H2BC1: variants seen among roughly 807,000 people sequenced by gnomAD.
The protein encoded by H2BC1 is H2B clustered histone 1, also known as histone H2B type 1-A.
H2BC1 carries 5 observed loss-of-function variants against 5.4 expected under a neutral mutation model. The observed-to-expected ratio is 0.92, with a 90% CI of 0.48 to 1.94. H2BC1 has a LOEUF of 1.94. H2BC1 is among the 30% of genes most tolerant of loss of function. The probability of loss-of-function intolerance (pLI) is 0.01; values close to 1 mark genes in which losing one functional copy is unlikely to be tolerated. For synonymous variants in H2BC1, 131 were observed against 58.2 expected, an observed-to-expected ratio of 2.25 and a Z score of -5.69; for missense variants, 210 against 159.1, an observed-to-expected ratio of 1.32 and a Z score of -1.72.
Position 25,727,145 on chromosome 6 carries a change from A to T in H2BC1, c.237A>T (p.Ala79=). ...TDIFERIASE[A]SRLAHYSKRS... ...TCTTTGAGCGTATAGCGAGCGAGGC[A>T]TCACGTTTGGCTCACTACAGCAAGC... Residue 79 remains alanine, a synonymous_variant, in exon 1 of 1, where the codon GCA becomes GCT. Coordinates refer to ENST00000274764, the MANE Select transcript of H2BC1 (RefSeq NM_170610.3). The T allele has an allele frequency of 1.2e-6, 2 of 1,614,218 alleles. No individual in the cohort carries two copies. The highest frequency in any genetic ancestry group is 1.7e-6 in the Non-Finnish European group (2 of 1,180,038).
Position 25,726,983 on chromosome 6 carries a change from AAAGG to A in H2BC1, c.80_83del (p.Glu27AlafsTer20), listed in dbSNP as rs746952106. 11 of 1,614,074 alleles carry A rather than the reference AAAGG, an allele frequency of 6.8e-6. No homozygotes were observed. The African/African-American group carries it at 1.5e-4, about 22-fold the overall frequency. ...AGAAAGCTGTCGTTAAGACCCAGAA[AAAGG>A]AAGGCAAAAAGCGCAAGAGGACCCG... On this transcript the variant is annotated frameshift_variant, in exon 1 of 1. Coordinates refer to ENST00000274764, the MANE Select transcript of H2BC1 (RefSeq NM_170610.3). LOFTEE classifies it high-confidence loss of function.
rs567052620 is a variant in H2BC1 at position 25,726,810 on chromosome 6, C to A, written c.-99C>A. ...ACTTGGCGAGACTTGGAGCTGAGGT[C>A]ATTTGGAGCTGTTTAATACTGAAGA... On this transcript the variant is annotated 5_prime_UTR_variant, in exon 1 of 1. Coordinates refer to ENST00000274764, the MANE Select transcript of H2BC1 (RefSeq NM_170610.3). 18 of 1,392,512 alleles carry A rather than the reference C, an allele frequency of 1.3e-5. No individual in the cohort carries two copies. In the South Asian group the frequency reaches 2.6e-4, roughly 20 times the overall value. The allele number at this position is 1,392,512 out of a possible 1,614,324, so 86.3% of individuals were successfully genotyped here.
In H2BC1 at chr6:25,726,952, G is replaced by A; in HGVS notation, c.44G>A (p.Gly15Asp). The A allele has an allele frequency of 1.9e-6, 3 of 1,614,068 alleles. No homozygotes were observed. Among genetic ancestry groups the A allele is most frequent in the South Asian group, 2.2e-5 (2 of 91,050 alleles). The change falls in exon 1 of 1, where the codon GGC becomes GAC. Residue 15 changes from glycine (G) to aspartate (D), a missense_variant. Transcript: ENST00000274764. ...AAAGGTGCTACCATTTCCAAGAAGG[G>A]CTTTAAGAAAGCTGTCGTTAAGACC... is the stretch of plus-strand genomic sequence containing the variant. ...SSKGATISKK[G>D]FKKAVVKTQK...
Position 25,726,889 on chromosome 6 carries a change from T to G in H2BC1, c.-20T>G. 6.2e-7 allele frequency: 1 copy of G among 1,603,042 alleles called. No individual in the cohort carries two copies. The highest frequency in any genetic ancestry group is 8.5e-7 in the Non-Finnish European group (1 of 1,175,200). ...ACCCTGGAAAAGAACCGTGTAACGC[T>G]GCAGAAGTGTGTGGTAGCTATGCCG... On this transcript the variant is annotated 5_prime_UTR_variant, in exon 1 of 1. Transcript: ENST00000274764.
rs1760266940 is a variant in H2BC1, at chr6:25,726,834, G to C, written c.-75G>C. 2.7e-6 allele frequency: 4 copies of C among 1,500,692 alleles called. No individual in the cohort carries two copies. Among genetic ancestry groups the C allele is most frequent in the Non-Finnish European group, 3.6e-6 (4 of 1,115,470 alleles). 93.0% of individuals were successfully genotyped at this position (1,500,692 alleles called of 1,614,324 possible). On this transcript the variant is annotated 5_prime_UTR_variant, in exon 1 of 1. Transcript: ENST00000274764. ...TCATTTGGAGCTGTTTAATACTGAA[G>C]AGCTGTTGAGCACTGGAAAGTGCTG...
chr6:25,726,934 C>T lies in H2BC1; in HGVS notation c.26C>T (p.Ala9Val), dbSNP rs1760273473. 2 of 1,613,474 alleles carry T rather than the reference C, an allele frequency of 1.2e-6. No homozygotes were observed. The highest frequency in any genetic ancestry group is 1.7e-6 in the Non-Finnish European group (2 of 1,179,862). The change falls in exon 1 of 1, where the codon GCT becomes GTT. Residue 9 changes from alanine to valine, a missense_variant. Physicochemically the swap from Ala to Val is moderately conservative, Grantham distance 64. Coordinates refer to ENST00000274764, the MANE Select transcript of H2BC1 (RefSeq NM_170610.3). MPEVSSKG[A>V]TISKKGFKKA... ...ATGCCGGAGGTGTCATCTAAAGGTG[C>T]TACCATTTCCAAGAAGGGCTTTAAG...
chr6:25,726,828 A>C lies in H2BC1; in HGVS notation c.-81A>C. 4.7e-6 allele frequency: 7 copies of C among 1,488,012 alleles called. No individual in the cohort carries two copies. The Middle Eastern group carries it at 9.2e-4, about 195-fold the overall frequency. 92.2% of individuals were successfully genotyped at this position (1,488,012 alleles called of 1,614,324 possible). ...CTGAGGTCATTTGGAGCTGTTTAAT[A>C]CTGAAGAGCTGTTGAGCACTGGAAA... On this transcript the variant is annotated 5_prime_UTR_variant, in exon 1 of 1. Coordinates refer to ENST00000274764, the MANE Select transcript of H2BC1 (RefSeq NM_170610.3).
rs762445534 is a variant in H2BC1, at chr6:25,727,329, CT to C, written c.*41del. On this transcript the variant is annotated 3_prime_UTR_variant, in exon 1 of 1. Transcript: ENST00000274764. ...AAACGTCATTTCTAACCCAAAGGCT[CT>C]TTTCAGAGCCACTTAAACATACTGA... 2.6e-6 allele frequency: 4 copies of C among 1,531,364 alleles called. No homozygotes were observed. The highest frequency in any genetic ancestry group is 1.4e-5 in the African/African-American group (1 of 72,236). The allele number at this position is 1,531,364 out of a possible 1,614,324, so 94.9% of individuals were successfully genotyped here. A position where few individuals can be genotyped will look rare whatever the true frequency, so the allele number is the denominator to read the frequency against.
rs1760266889 is a variant in H2BC1, at chr6:25,726,832, A to AT, written c.-77_-76insT. The AT allele has an allele frequency of 6.7e-7, 1 of 1,501,278 alleles. No individual in the cohort carries two copies. The highest frequency in any genetic ancestry group is 9.0e-7 in the Non-Finnish European group (1 of 1,116,248). 93.0% of individuals were successfully genotyped at this position (1,501,278 alleles called of 1,614,324 possible). The stretch of plus-strand genomic sequence containing the variant: ...GGTCATTTGGAGCTGTTTAATACTG[A>AT]AGAGCTGTTGAGCACTGGAAAGTGC... On this transcript the variant is annotated 5_prime_UTR_variant, in exon 1 of 1. Transcript: ENST00000274764.
chr6:25,727,169 G>A lies in H2BC1; in HGVS notation c.261G>A (p.Lys87=). ...SEASRLAHYS[K]RSTISSREIQ... ...CATCACGTTTGGCTCACTACAGCAA[G>A]CGCTCCACCATTTCTTCCAGAGAGA... is the stretch of plus-strand genomic sequence containing the variant. The change falls in exon 1 of 1, where the codon AAG becomes AAA. Residue 87 remains lysine, a synonymous_variant. Coordinates refer to ENST00000274764, the MANE Select transcript of H2BC1 (RefSeq NM_170610.3). The A allele has an allele frequency of 1.9e-6, 3 of 1,614,208 alleles. No homozygotes were observed. The highest frequency in any genetic ancestry group is 1.1e-5 in the South Asian group (1 of 91,082).
chr6:25,727,030 T>C lies in H2BC1; in HGVS notation c.122T>C (p.Ile41Thr), dbSNP rs779474602. ...RKRTRKESYS[I>T]YIYKVLKQVH... ...AGGACCCGTAAGGAGAGTTATTCTA[T>C]TTACATCTACAAAGTGCTAAAGCAG... The change falls in exon 1 of 1, where the codon ATT becomes ACT. Residue 41 changes from isoleucine (I) to threonine (T), a missense_variant. Transcript: ENST00000274764. The C allele has an allele frequency of 3.7e-6, 6 of 1,614,122 alleles. No individual in the cohort carries two copies. The highest frequency in any genetic ancestry group is 1.3e-5 in the African/African-American group (1 of 74,934).
Position 25,727,063 on chromosome 6 carries a change from C to T in H2BC1, c.155C>T (p.Pro52Leu), listed in dbSNP as rs143128181. Residue 52 changes from proline to leucine, a missense_variant, in exon 1 of 1, where the codon CCG (proline) becomes CTG (leucine). Transcript: ENST00000274764. ...TACAAAGTGCTAAAGCAGGTCCATC[C>T]GGACACTGGCATCTCTTCGAAAGCT... is the stretch of plus-strand genomic sequence containing the variant. ...YIYKVLKQVH[P>L]DTGISSKAMS... is the part of the protein sequence containing the mutation. 1.8e-5 allele frequency: 29 copies of T among 1,614,206 alleles called. No individual in the cohort carries two copies. Among genetic ancestry groups the T allele is most frequent in the South Asian group, 9.9e-5 (9 of 91,072 alleles).
rs769393049 is a variant in H2BC1, at chr6:25,727,046, G to A, written c.138G>A (p.Val46=). 1 of 1,614,226 alleles carries A rather than the reference G, an allele frequency of 6.2e-7. No individual in the cohort carries two copies. The highest frequency in any genetic ancestry group is 8.5e-7 in the Non-Finnish European group (1 of 1,180,032). ...KESYSIYIYK[V]LKQVHPDTGI... is the part of the protein sequence containing the mutation. Reference sequence around the variant, plus strand: ...GTTATTCTATTTACATCTACAAAGTGCTAAAGCAGGTCCATCCGGACACTG... The same window carrying A: ...GTTATTCTATTTACATCTACAAAGTACTAAAGCAGGTCCATCCGGACACTG... The change falls in exon 1 of 1, where the codon GTG becomes GTA. Residue 46 remains valine, a synonymous_variant. Transcript: ENST00000274764.
chr6:25,726,811 A>T lies in H2BC1; in HGVS notation c.-98A>T, dbSNP rs539522786. On this transcript the variant is annotated 5_prime_UTR_variant, in exon 1 of 1. Coordinates refer to ENST00000274764, the MANE Select transcript of H2BC1 (RefSeq NM_170610.3). Reference sequence around the variant, plus strand: ...CTTGGCGAGACTTGGAGCTGAGGTCATTTGGAGCTGTTTAATACTGAAGAG... The same window carrying T: ...CTTGGCGAGACTTGGAGCTGAGGTCTTTTGGAGCTGTTTAATACTGAAGAG... 177 of 1,407,198 alleles carry T rather than the reference A, an allele frequency of 1.3e-4. No individual in the cohort carries two copies. The highest frequency in any genetic ancestry group is 1.6e-4 in the Non-Finnish European group (162 of 1,036,282). 87.2% of individuals were successfully genotyped at this position (1,407,198 alleles called of 1,614,324 possible). A position where few individuals can be genotyped will look rare whatever the true frequency, so the allele number is the denominator to read the frequency against.
Position 25,727,042 on chromosome 6 carries a change from A to AT in H2BC1, c.134_135insT (p.Lys45AsnfsTer26). ...GAGAGTTATTCTATTTACATCTACA[A>AT]AGTGCTAAAGCAGGTCCATCCGGAC... On this transcript the variant is annotated frameshift_variant, in exon 1 of 1. Transcript: ENST00000274764. LOFTEE classifies it high-confidence loss of function. The AT allele has an allele frequency of 6.2e-7, 1 of 1,614,242 alleles. No homozygotes were observed. Among genetic ancestry groups the AT allele is most frequent in the South Asian group, 1.1e-5 (1 of 91,086 alleles).
rs781710308 is a variant in H2BC1, at chr6:25,726,946, A to G, written c.38A>G (p.Lys13Arg). The change falls in exon 1 of 1, where the codon AAG (lysine) becomes AGG (arginine). Residue 13 changes from lysine to arginine, a missense_variant. Lys to Arg is a conservative substitution (Grantham distance 26). Coordinates refer to ENST00000274764, the MANE Select transcript of H2BC1 (RefSeq NM_170610.3). ...EVSSKGATIS[K>R]KGFKKAVVKT... Reference sequence around the variant, plus strand: ...TCATCTAAAGGTGCTACCATTTCCAAGAAGGGCTTTAAGAAAGCTGTCGTT... The same window carrying G: ...TCATCTAAAGGTGCTACCATTTCCAGGAAGGGCTTTAAGAAAGCTGTCGTT... 1.2e-6 allele frequency: 2 copies of G among 1,614,028 alleles called. No homozygotes were observed. Among genetic ancestry groups the G allele is most frequent in the South Asian group, 1.1e-5 (1 of 91,026 alleles).
Position 25,727,202 on chromosome 6 carries a change from A to G in H2BC1, c.294A>G (p.Thr98=), listed in dbSNP as rs1760292470. 1 of 1,614,156 alleles carries G rather than the reference A, an allele frequency of 6.2e-7. No homozygotes were observed. The highest frequency in any genetic ancestry group is 8.5e-7 in the Non-Finnish European group (1 of 1,179,996). ...CCATTTCTTCCAGAGAGATTCAGAC[A>G]GCAGTGCGCTTGCTACTGCCGGGAG... is the stretch of plus-strand genomic sequence containing the variant. ...RSTISSREIQ[T]AVRLLLPGEL... Residue 98 remains threonine (T), a synonymous_variant, in exon 1 of 1, where the codon ACA becomes ACG. Transcript: ENST00000274764.
chr6:25,726,893 G>GA lies in H2BC1; in HGVS notation c.-14dup, dbSNP rs752577889. On this transcript the variant is annotated 5_prime_UTR_variant, in exon 1 of 1. Transcript: ENST00000274764. The stretch of plus-strand genomic sequence containing the variant: ...TGGAAAAGAACCGTGTAACGCTGCA[G>GA]AAGTGTGTGGTAGCTATGCCGGAGG... The GA allele has an allele frequency of 2.5e-6, 4 of 1,605,522 alleles. No individual in the cohort carries two copies. Among genetic ancestry groups the GA allele is most frequent in the Non-Finnish European group, 3.4e-6 (4 of 1,176,300 alleles).
Position 25,726,846 on chromosome 6 carries a change from A to C in H2BC1, c.-63A>C, listed in dbSNP as rs955691983. The C allele has an allele frequency of 2.5e-5, 38 of 1,539,706 alleles. No homozygotes were observed. Among genetic ancestry groups the C allele is most frequent in the Non-Finnish European group, 2.4e-5 (27 of 1,145,520 alleles). On this transcript the variant is annotated 5_prime_UTR_variant, in exon 1 of 1. Coordinates refer to ENST00000274764, the MANE Select transcript of H2BC1 (RefSeq NM_170610.3). ...GTTTAATACTGAAGAGCTGTTGAGCACTGGAAAGTGCTGTGTAACCCTGGA... is the reference window on the plus strand; with the variant it reads ...GTTTAATACTGAAGAGCTGTTGAGCCCTGGAAAGTGCTGTGTAACCCTGGA...
Sources: allele counts gnomAD v4.1 joint callset, GRCh38; gene constraint gnomAD v4.1.1; transcripts MANE v1.5; gene names NCBI Gene and HGNC (gene_info 2026-07-23, HGNC 2026-07-21).